OPHN1: variants seen among roughly 807,000 people sequenced by gnomAD.
The protein encoded by OPHN1 is oligophrenin-1.
Under a neutral mutation model 60.7 loss-of-function variants are expected in OPHN1, and 11 were observed. The ratio of observed to expected loss-of-function variants is 0.18; its 90% CI spans 0.11 to 0.30. The LOEUF (loss-of-function observed/expected upper bound fraction) is 0.30. OPHN1 is among the 10% of genes least tolerant of loss of function. The pLI is 1.00. For synonymous variants in OPHN1, 226 were observed against 222.6 expected (o/e 1.02, Z -0.14); for missense variants, 449 against 611.0 (o/e 0.73, Z 2.80).
chrX:68,430,251 T>C (rs1254975196), intron 2 of OPHN1, among the ~76,000 whole-genome samples: 11 of 111,825 alleles, frequency 9.8e-5, no homozygotes, highest in African/African-American at 3.6e-4. Flanking sequence ...AGTATAAACA[T>C]CACTGTGGTC....
At chrX:68,278,437 G>A (rs1481270780) in intron 4 of OPHN1, among the ~76,000 whole-genome samples, 2 of 112,466 alleles carry the variant, frequency 1.8e-5, no homozygotes, top group East Asian at 2.8e-4. Flanking sequence ...TCACCATAAC[G>A]AGTGACATCC....
At chrX:68,053,863 A>G (rs1270922583) in intron 21 of OPHN1, 53 bp from the exon 22 acceptor site, 36 of 1,160,049 alleles carry the variant, frequency 3.1e-5, no homozygotes, top group Admixed American at 9.6e-5. Context: ...ACAGAACACT[A>G]CTCATGAGCA....
chrX:68,377,930 C>A (rs1314315022), intron 2 of OPHN1, among the ~76,000 whole-genome samples: 5 of 111,765 alleles, frequency 4.5e-5, no homozygotes, highest in Admixed American at 9.5e-5. Flanking sequence ...ATTTATACTC[C>A]TTTGGGTATA....
chrX:68,062,275 C>T (rs1011480607), intron 21 of OPHN1, among the ~76,000 whole-genome samples: 2 of 112,028 alleles, frequency 1.8e-5, no homozygotes, highest in African/African-American at 6.5e-5. Flanking sequence ...AAGTGTCAGA[C>T]AGTTAATATT....
chrX:68,325,246 AAC>A (rs1292297478), intron 2 of OPHN1, among the ~76,000 whole-genome samples: 4 of 110,151 alleles, frequency 3.6e-5, no homozygotes. Flanking sequence ...CCAATCTAAA[AAC>A]AGTTAAGAAA....
At chrX:68,197,644 G>A (rs1276241689) in intron 11 of OPHN1, among the ~76,000 whole-genome samples, 1 of 111,230 alleles carries the variant, frequency 9.0e-6, no homozygotes, top group African/African-American at 3.3e-5. Context: ...GAATGAGCAT[G>A]AACATCAGAG....
intron 5 of OPHN1, among the ~76,000 whole-genome samples, chrX:68,267,445 A>C (rs1302545834): frequency 8.9e-6 from 1 of 112,282 alleles, no homozygotes; most frequent in Non-Finnish European, 1.9e-5. Flanking sequence ...ACATAACGAA[A>C]TGAAGGCAGA....
chrX:68,277,371 C>A (rs947936119), intron 4 of OPHN1, among the ~76,000 whole-genome samples: 3 of 112,620 alleles, frequency 2.7e-5, no homozygotes, highest in African/African-American at 9.7e-5. Context: ...TGTGGTCAGG[C>A]TCCTAACAGG....
intron 6 of OPHN1, among the ~76,000 whole-genome samples, chrX:68,227,309 G>T (rs1432627555): frequency 1.8e-5 from 2 of 110,578 alleles, no homozygotes; most frequent in Non-Finnish European, 3.8e-5. Flanking sequence ...ATAATAACGG[G>T]AGACTTTGAC....
rs984725368 is a variant in OPHN1 at position 68,279,101 on chromosome X, C to CTTTTTTTTTTT, written c.312+3944_312+3954dup. Reference sequence around the variant, plus strand: ...AGACTTTTCAAGGCCCTCCCCCGCTCTTTTTTTTTTTTTTTTTTTTTTTTT... The same window carrying CTTTTTTTTTTT: ...AGACTTTTCAAGGCCCTCCCCCGCTCTTTTTTTTTTTTTTTTTTTTTTTTTTTTTTTTTTTT... On this transcript the variant is annotated intron_variant, in intron 4 of 24. Transcript: ENST00000355520. Among the ~76,000 whole-genome samples, 7 of 21,784 alleles carry CTTTTTTTTTTT rather than the reference C, an allele frequency of 3.2e-4. 1 individual carries two copies. Among genetic ancestry groups the CTTTTTTTTTTT allele is most frequent in the Admixed American group, 1.9e-3 (2 of 1,059 alleles). The allele number at this position is 21,784 out of a possible 115,157, so 18.9% of individuals were successfully genotyped here.
chrX:68,276,143 T>TA (rs781026183), intron 4 of OPHN1, among the ~76,000 whole-genome samples: 16 of 111,993 alleles, frequency 1.4e-4, no homozygotes, highest in Non-Finnish European at 3.0e-4. Flanking sequence ...AGCCTAGACT[T>TA]AAAAAATCAT....
chrX:68,177,323 G>A (rs1295505050), intron 15 of OPHN1, among the ~76,000 whole-genome samples: 2 of 110,598 alleles, frequency 1.8e-5, no homozygotes, highest in African/African-American at 6.6e-5. Context: ...GAACATTAAT[G>A]AACAATAAAC....
intron 2 of OPHN1, among the ~76,000 whole-genome samples, chrX:68,393,625 T>A (rs776201040): frequency 8.9e-6 from 1 of 111,911 alleles, no homozygotes; most frequent in African/African-American, 3.2e-5. Flanking sequence ...CTTTCCTTTC[T>A]GTTTTTTTCA....
intron 2 of OPHN1, among the ~76,000 whole-genome samples, chrX:68,424,812 T>C (rs1027490953): frequency 2.7e-5 from 3 of 111,823 alleles, no homozygotes; most frequent in Non-Finnish European, 5.6e-5. Flanking sequence ...TGGTTCACTT[T>C]TCAATCCTAG....
At chrX:68,048,268 T>C in intron 24 of OPHN1, 148 bp downstream of exon 24, 2 of 477,223 alleles carry the variant, frequency 4.2e-6, no homozygotes, top group Non-Finnish European at 3.7e-6. Context: ...AATTTAAGGG[T>C]CAGGCAGTGA....
At chrX:68,172,870 T>C (rs2077397893) in intron 15 of OPHN1, among the ~76,000 whole-genome samples, 1 of 111,329 alleles carries the variant, frequency 9.0e-6, no homozygotes, top group Non-Finnish European at 1.9e-5. Flanking sequence ...CGAGCCAGGC[T>C]CCATATTATC....
At chrX:68,103,147 A>G (rs2077066704) in intron 18 of OPHN1, among the ~76,000 whole-genome samples, 1 of 111,754 alleles carries the variant, frequency 8.9e-6, no homozygotes, top group South Asian at 3.8e-4. Flanking sequence ...TGGCAAACCG[A>G]ATCCTGCAGT....
At chrX:68,393,842 C>T (rs2078666239) in intron 2 of OPHN1, among the ~76,000 whole-genome samples, 1 of 88,044 alleles carries the variant, frequency 1.1e-5, no homozygotes, top group Non-Finnish European at 2.2e-5. Context: ...GGATACTAAT[C>T]TCTTTTTTCC....
chrX:68,162,426 A>T (rs1028392087), intron 15 of OPHN1, among the ~76,000 whole-genome samples: 1 of 110,327 alleles, frequency 9.1e-6, no homozygotes, highest in Non-Finnish European at 1.9e-5. Context: ...AAATGAAGAG[A>T]TTATTTTTTG....
Sources: gnomAD v4.1 joint callset for allele counts (sites outside exome capture counted in the v4.1 genomes callset) on GRCh38, gnomAD v4.1.1 for gene constraint, MANE v1.5 for transcripts, NCBI Gene and HGNC (gene_info 2026-07-23, HGNC 2026-07-21) for gene names.